DMRT3: variants seen among roughly 807,000 people sequenced by gnomAD.
DMRT3 encodes doublesex and mab-3 related transcription factor 3, also known as doublesex- and mab-3-related transcription factor 3.
Under a neutral mutation model 34.9 loss-of-function variants are expected in DMRT3, and 29 were observed. That is an observed-to-expected ratio of 0.83 (90% CI 0.62 to 1.13). The LOEUF (loss-of-function observed/expected upper bound fraction) is 1.13, where lower values mean the gene tolerates loss of function less well. Among genes scored for constraint, DMRT3 ranks in the 50% most tolerant of loss-of-function variants. The probability of loss-of-function intolerance (pLI) is 0.00; values close to 1 mark genes in which losing one functional copy is unlikely to be tolerated. For synonymous variants in DMRT3, 350 were observed against 286.0 expected, an observed-to-expected ratio of 1.22 and a Z score of -2.26; for missense variants, 772 against 629.1, an observed-to-expected ratio of 1.23 and a Z score of -2.43.
In DMRT3 at chr9:990,608, G is replaced by C; in HGVS notation, c.1022G>C (p.Arg341Thr). The change falls in exon 2 of 2, where the codon AGG (arginine) becomes ACG (threonine). Residue 341 changes from arginine (R) to threonine (T), a missense_variant. Arg to Thr is a moderately conservative substitution (Grantham distance 71). Transcript: ENST00000190165. ...GCCTTTCGAGTCCCAGACACGTTGA[G>C]GTTTTCTGCCGACTCTAGCAACGTT... ...GSAFRVPDTL[R>T]FSADSSNVVP... 2 of 1,614,140 alleles carry C rather than the reference G, an allele frequency of 1.2e-6. No homozygotes were observed. Among genetic ancestry groups the C allele is most frequent in the Non-Finnish European group, 1.7e-6 (2 of 1,180,020 alleles).
intron 1 of DMRT3, among the ~76,000 whole-genome samples, chr9:988,512 G>C (rs903751307): frequency 1.3e-5 from 2 of 152,130 alleles, no homozygotes; most frequent in Non-Finnish European, 2.9e-5. Flanking sequence ...GGAGAAGATG[G>C]TTTCTAGAAG....
At position 990,547 on chromosome 9, in the gene DMRT3, T is replaced by C. The variant is rs1343156725; in HGVS notation, c.961T>C (p.Tyr321His). ...GHIFEHTLSS[Y>H]PISSSKWSVG... ...CATCTTTGAACACACCTTGAGCTCC[T>C]ACCCCATCTCGTCTTCCAAATGGTC... Residue 321 changes from tyrosine to histidine, a missense_variant, in exon 2 of 2, where the codon TAC (tyrosine) becomes CAC (histidine). Coordinates refer to ENST00000190165, the MANE Select transcript of DMRT3 (RefSeq NM_021240.4). The C allele has an allele frequency of 6.2e-7, 1 of 1,614,098 alleles. No homozygotes were observed. Among genetic ancestry groups the C allele is most frequent in the East Asian group, 2.2e-5 (1 of 44,864 alleles).
Position 990,372 on chromosome 9 carries a change from G to C in DMRT3, c.786G>C (p.Gln262His), listed in dbSNP as rs1359209357. Residue 262 changes from glutamine to histidine, a missense_variant, in exon 2 of 2, where the codon CAG becomes CAC. Transcript: ENST00000190165. ...LEVLKKIFPN[Q>H]KPTVLELILK... ...TGTTAAAAAAGATATTCCCCAACCA[G>C]AAGCCAACGGTGCTTGAGCTCATCC... 3 of 1,613,880 alleles carry C rather than the reference G, an allele frequency of 1.9e-6. No homozygotes were observed. Among genetic ancestry groups the C allele is most frequent in the Middle Eastern group, 1.6e-4 (1 of 6,084 alleles).
chr9:990,312 C>T lies in DMRT3; in HGVS notation c.726C>T (p.Pro242=). The T allele has an allele frequency of 6.2e-7, 1 of 1,613,848 alleles. No homozygotes were observed. Among genetic ancestry groups the T allele is most frequent in the Middle Eastern group, 1.6e-4 (1 of 6,062 alleles). ...IEGPSGTVSL[P]FSLKANRPPL... is the part of the protein sequence containing the mutation. ...GCCCCTCGGGGACTGTTTCTCTGCC[C>T]TTCAGCTTGAAAGCCAACAGACCGC... The change falls in exon 2 of 2, where the codon CCC becomes CCT. Residue 242 remains proline (P), a synonymous_variant. Coordinates refer to ENST00000190165, the MANE Select transcript of DMRT3 (RefSeq NM_021240.4).
rs767661101 is a variant in DMRT3 at position 977,106 on chromosome 9, T to C, written c.105T>C (p.His35=). ...RTPKCARCRN[H]GVLSWLKGHK... ...CCAAGTGCGCGCGCTGCCGCAACCA[T>C]GGCGTCCTGTCCTGGCTCAAGGGCC... The change falls in exon 1 of 2, where the codon CAT becomes CAC. Residue 35 remains histidine (H), a synonymous_variant. Coordinates refer to ENST00000190165, the MANE Select transcript of DMRT3 (RefSeq NM_021240.4). 6.8e-6 allele frequency: 11 copies of C among 1,608,034 alleles called. No individual in the cohort carries two copies. Among genetic ancestry groups the C allele is most frequent in the South Asian group, 1.1e-5 (1 of 90,208 alleles).
At chr9:980,916 G>A (rs1051366322) in intron 1 of DMRT3, among the ~76,000 whole-genome samples, 7 of 152,122 alleles carry the variant, frequency 4.6e-5, no homozygotes, top group Admixed American at 1.3e-4. Context: ...ACTGTGGTGC[G>A]ATGAGAAGAA....
intron 1 of DMRT3, among the ~76,000 whole-genome samples, chr9:983,857 C>T (rs574793675): frequency 5.3e-5 from 8 of 151,646 alleles, no homozygotes; most frequent in East Asian, 1.9e-4. Flanking sequence ...TTCCTTCATA[C>T]GTTATTAATT....
intron 1 of DMRT3, among the ~76,000 whole-genome samples, chr9:984,998 T>G (rs897849977): frequency 3.3e-4 from 50 of 152,324 alleles, no homozygotes; most frequent in African/African-American, 1.2e-3. Flanking sequence ...GTAGTCATCT[T>G]ATGGCATATA....
chr9:984,459 A>T (rs279883), intron 1 of DMRT3, among the ~76,000 whole-genome samples: 124,564 of 150,006 alleles, frequency 0.83, 51,645 homozygotes, highest in South Asian at 0.9. Context: ...GATTTTTCAC[A>T]TTTTTTTTTT....
chr9:980,246 G>GT (rs1820200027), intron 1 of DMRT3, among the ~76,000 whole-genome samples: 1 of 152,172 alleles, frequency 6.6e-6, no homozygotes. Context: ...ACTCAGTTTT[G>GT]TAACTGGAAG....
At position 977,200 on chromosome 9, in the gene DMRT3, G is replaced by A. The variant is rs1304615888; in HGVS notation, c.199G>A (p.Val67Ile). 2 of 1,609,134 alleles carry A rather than the reference G, an allele frequency of 1.2e-6. No homozygotes were observed. The highest frequency in any genetic ancestry group is 1.3e-5 in the African/African-American group (1 of 74,548). Reference sequence around the variant, plus strand: ...CATCCTCATCATCGAGCGGCAGCGGGTCATGGCTGCGCAGGTGGCGCTGCG... The same window carrying A: ...CATCCTCATCATCGAGCGGCAGCGGATCATGGCTGCGCAGGTGGCGCTGCG... ...KCILIIERQR[V>I]MAAQVALRRQ... Residue 67 changes from valine (V) to isoleucine (I), a missense_variant, in exon 1 of 2, where the codon GTC becomes ATC. Transcript: ENST00000190165.
intron 1 of DMRT3, among the ~76,000 whole-genome samples, chr9:985,833 G>A (rs1209898373): frequency 6.6e-6 from 1 of 152,212 alleles, no homozygotes; most frequent in Non-Finnish European, 1.5e-5. Context: ...AGGACCTTGT[G>A]TGCGGCTCAG....
Position 991,194 on chromosome 9 carries a change from TAGCTC to T in DMRT3, c.*190_*194del. On this transcript the variant is annotated 3_prime_UTR_variant, in exon 2 of 2. Coordinates refer to ENST00000190165, the MANE Select transcript of DMRT3 (RefSeq NM_021240.4). Reference sequence around the variant, plus strand: ...TTGCACTTCACTGGAAAATGCCAAATAGCTCTGTTCTGTGGCTTTAGTGCTGAATG... The same window carrying T: ...TTGCACTTCACTGGAAAATGCCAAATTGTTCTGTGGCTTTAGTGCTGAATG... 2.9e-6 allele frequency: 2 copies of T among 687,544 alleles called. No homozygotes were observed. The highest frequency in any genetic ancestry group is 4.7e-6 in the Non-Finnish European group (2 of 423,806). The allele number at this position is 687,544 out of a possible 1,614,324, so 42.6% of individuals were successfully genotyped here.
At chr9:986,600 A>G (rs933245482) in intron 1 of DMRT3, among the ~76,000 whole-genome samples, 10 of 152,178 alleles carry the variant, frequency 6.6e-5, no homozygotes, top group African/African-American at 2.4e-4. Context: ...TCTTTTAAAA[A>G]TAGTTGAGCT....
At chr9:981,266 T>C (rs1820217189) in intron 1 of DMRT3, among the ~76,000 whole-genome samples, 2 of 152,150 alleles carry the variant, frequency 1.3e-5, no homozygotes, top group South Asian at 4.1e-4. Context: ...CACTTCCTTT[T>C]TTTTTAATTT....
chr9:990,750 T>C lies in DMRT3; in HGVS notation c.1164T>C (p.Asp388=), dbSNP rs1820351430. The C allele has an allele frequency of 1.2e-6, 2 of 1,614,144 alleles. No individual in the cohort carries two copies. Among genetic ancestry groups the C allele is most frequent in the African/African-American group, 1.3e-5 (1 of 75,032 alleles). ...RSQSSPFLPN[D]VTLWNTMTLQ... Reference sequence around the variant, plus strand: ...AGTCGAGCCCCTTTTTGCCCAATGATGTCACCCTGTGGAACACCATGACGC... The same window carrying C: ...AGTCGAGCCCCTTTTTGCCCAATGACGTCACCCTGTGGAACACCATGACGC... Residue 388 remains aspartate (D), a synonymous_variant, in exon 2 of 2, where the codon GAT becomes GAC. Coordinates refer to ENST00000190165, the MANE Select transcript of DMRT3 (RefSeq NM_021240.4).
rs534413749 is a variant in DMRT3 at position 990,869 on chromosome 9, G to A, written c.1283G>A (p.Arg428His). The A allele has an allele frequency of 1.9e-5, 31 of 1,614,026 alleles. No homozygotes were observed. The highest frequency in any genetic ancestry group is 8.9e-5 in the East Asian group (4 of 44,864). The change falls in exon 2 of 2, where the codon CGC becomes CAC. Residue 428 changes from arginine (R) to histidine (H), a missense_variant. Coordinates refer to ENST00000190165, the MANE Select transcript of DMRT3 (RefSeq NM_021240.4). ...VFRSSPVLPARATEDPRISIP... is the reference protein window; with the variant it reads ...VFRSSPVLPAHATEDPRISIP... Reference sequence around the variant, plus strand: ...AGAAGCTCGCCCGTCCTTCCTGCCCGCGCCACGGAAGACCCTCGGATTTCC... The same window carrying A: ...AGAAGCTCGCCCGTCCTTCCTGCCCACGCCACGGAAGACCCTCGGATTTCC...
Position 991,281 on chromosome 9 carries a change from G to T in DMRT3, c.*276G>T, listed in dbSNP as rs1820361309. On this transcript the variant is annotated 3_prime_UTR_variant, in exon 2 of 2. Transcript: ENST00000190165. ...TAGTCTTGGGAAGGCTGGGTCCGTG[G>T]AAGATTTATTTGGGGATGTAAAGCT... The T allele has an allele frequency of 6.7e-6, 2 of 299,530 alleles. No individual in the cohort carries two copies. The highest frequency in any genetic ancestry group is 4.3e-5 in the African/African-American group (2 of 46,252). The allele number at this position is 299,530 out of a possible 1,614,324, so 18.6% of individuals were successfully genotyped here. A position where few individuals can be genotyped will look rare whatever the true frequency, so the allele number is the denominator to read the frequency against.
Position 977,103 on chromosome 9 carries a change from C to T in DMRT3, c.102C>T (p.Asn34=), listed in dbSNP as rs1820159058. 5.0e-6 allele frequency: 8 copies of T among 1,607,538 alleles called. No homozygotes were observed. Among genetic ancestry groups the T allele is most frequent in the Non-Finnish European group, 6.8e-6 (8 of 1,177,478 alleles). ...QRTPKCARCR[N]HGVLSWLKGH... is the part of the protein sequence containing the mutation. ...CGCCCAAGTGCGCGCGCTGCCGCAA[C>T]CATGGCGTCCTGTCCTGGCTCAAGG... is the stretch of plus-strand genomic sequence containing the variant. Residue 34 remains asparagine, a synonymous_variant, in exon 1 of 2, where the codon AAC becomes AAT. Coordinates refer to ENST00000190165, the MANE Select transcript of DMRT3 (RefSeq NM_021240.4).
Sources: gnomAD v4.1 joint callset for allele counts (sites outside exome capture counted in the v4.1 genomes callset) on GRCh38, gnomAD v4.1.1 for gene constraint, MANE v1.5 for transcripts, NCBI Gene and HGNC (gene_info 2026-07-23, HGNC 2026-07-21) for gene names.